Variants in MTAP observed in about 807,000 individuals in gnomAD.
The protein encoded by MTAP is S-methyl-5'-thioadenosine phosphorylase.
MTAP carries 33 observed loss-of-function variants against 33.6 expected under a neutral mutation model. That is an observed-to-expected ratio of 0.98 (90% confidence interval 0.74 to 1.31). The LOEUF is 1.31. Ranked by LOEUF, MTAP falls within the 40% of genes most tolerant of loss-of-function variation. MTAP has a pLI of 0.00. For missense variants in MTAP, 367 were observed against 360.0 expected, an observed-to-expected ratio of 1.02 and a Z score of -0.16; for synonymous variants, 148 against 125.7, an observed-to-expected ratio of 1.18 and a Z score of -1.19.
chr9:21,937,539 G>C (rs116204352), exon 8 of MTAP: 3 of 152,018 alleles, frequency 2.0e-5, no homozygotes, highest in Non-Finnish European at 4.4e-5. Context: ...TTTGTGCTTC[G>C]TGTTGCCTTT....
chr9:21,835,039 G>C (rs1350031012), intron 4 of MTAP, among the ~76,000 whole-genome samples: 2 of 152,152 alleles, frequency 1.3e-5, no homozygotes, highest in African/African-American at 2.4e-5. Context: ...AGTCCTGGAG[G>C]CTGGGAAGTC....
intron 5 of MTAP, among the ~76,000 whole-genome samples, chr9:21,839,022 G>A (rs1362983368): frequency 6.6e-6 from 1 of 152,130 alleles, no homozygotes; most frequent in Non-Finnish European, 1.5e-5. Flanking sequence ...AACAGCAAGG[G>A]CACCTAAACT....
At chr9:21,808,188 G>A (rs375954212) in intron 1 of MTAP, among the ~76,000 whole-genome samples, 4 of 152,342 alleles carry the variant, frequency 2.6e-5, no homozygotes, top group East Asian at 3.9e-4. Context: ...GACCTAGAGA[G>A]CTTTGGAAAG....
chr9:21,871,812 A>G (rs1202429365), downstream of MTAP, among the ~76,000 whole-genome samples: 1 of 152,116 alleles, frequency 6.6e-6, no homozygotes, highest in African/African-American at 2.4e-5. Context: ...TGATTTTACT[A>G]CGTAAAATTC....
chr9:21,919,641 T>TGACC (rs1818754021), intron 1 of MTAP, among the ~76,000 whole-genome samples: 2 of 152,222 alleles, frequency 1.3e-5, no homozygotes, highest in African/African-American at 4.8e-5. Flanking sequence ...ATTGACTATG[T>TGACC]GACCATAAGC....
intron 6 of MTAP, 41 bp downstream of exon 6, chr9:21,854,911 C>T: frequency 1.2e-6 from 2 of 1,606,780 alleles, no homozygotes; most frequent in Non-Finnish European, 1.7e-6. Context: ...GCATGGGTTT[C>T]TGGGTGCCAA....
intron 1 of MTAP, among the ~76,000 whole-genome samples, chr9:21,900,479 C>A (rs1226123019): frequency 2.0e-5 from 3 of 152,112 alleles, no homozygotes; most frequent in Non-Finnish European, 4.4e-5. Flanking sequence ...CCATATCACA[C>A]CAGTCAGAAT....
chr9:21,898,125 A>G (rs1434600824), intron 1 of MTAP, among the ~76,000 whole-genome samples: 1 of 152,254 alleles, frequency 6.6e-6, no homozygotes, highest in African/African-American at 2.4e-5. Flanking sequence ...AAAACAAGAA[A>G]TGGGGAAAGG....
At chr9:21,805,759 C>A (rs1242684951) in intron 1 of MTAP, among the ~76,000 whole-genome samples, 1 of 152,188 alleles carries the variant, frequency 6.6e-6, no homozygotes, top group Admixed American at 6.5e-5. Flanking sequence ...GACACTGAAT[C>A]TGCTGTGACC....
At chr9:21,875,864 T>A (rs1028337751) in intron 1 of MTAP, among the ~76,000 whole-genome samples, 20 of 152,048 alleles carry the variant, frequency 1.3e-4, no homozygotes, top group African/African-American at 4.6e-4. Flanking sequence ...TATGGTAGAT[T>A]GATGTATGTT....
chr9:21,812,613 T>A (rs1824378549), intron 1 of MTAP, among the ~76,000 whole-genome samples: 1 of 152,224 alleles, frequency 6.6e-6, no homozygotes, highest in South Asian at 2.1e-4. Context: ...CATTGTTTCC[T>A]GAGGGTGGAT....
intron 1 of MTAP, among the ~76,000 whole-genome samples, chr9:21,914,715 G>A (rs993915570): frequency 6.6e-6 from 1 of 151,548 alleles, no homozygotes; most frequent in Non-Finnish European, 1.5e-5. Context: ...ACACCAACAT[G>A]GCACATGTAC....
intron 1 of MTAP, among the ~76,000 whole-genome samples, chr9:21,918,663 A>G (rs1404393877): frequency 2.0e-5 from 3 of 152,164 alleles, no homozygotes; most frequent in Non-Finnish European, 2.9e-5. Context: ...GTGGCAGGTA[A>G]TTGAATCATG....
At chr9:21,902,429 C>T (rs1178068286) in intron 1 of MTAP, among the ~76,000 whole-genome samples, 2 of 152,184 alleles carry the variant, frequency 1.3e-5, no homozygotes, top group Non-Finnish European at 2.9e-5. Context: ...CCACACTTAG[C>T]ACATGTCTGT....
Position 21,897,034 on chromosome 9 carries a change from G to C in MTAP, c.148-33974G>C, listed in dbSNP as rs146149832. On this transcript the variant is annotated intron_variant, in intron 1 of 1. Coordinates refer to the MTAP transcript ENST00000577563. ...GCACATCAAAAAGCTTATCCACCAT[G>C]ATCAAGTGGGCTTCATCCCTGGGAT... is the stretch of plus-strand genomic sequence containing the variant. Among the ~76,000 whole-genome samples, 1,353 of 152,282 alleles carry C rather than the reference G, an allele frequency of 8.9e-3. 28 individuals are homozygous for C. Among genetic ancestry groups the C allele is most frequent in the African/African-American group, 0.031 (1,287 of 41,544 alleles).
Position 21,865,680 on chromosome 9 carries a change from G to A in MTAP, c.*3666G>A, listed in dbSNP as rs1448489170. ...CGAGGAAATCTACCAAGACTAGTAG[G>A]GTAGTCCAGAAGAAGCTGTTTCAGG... On this transcript the variant is annotated 3_prime_UTR_variant, in exon 8 of 8. Transcript: ENST00000644715. The A allele has an allele frequency of 3.0e-6, 3 of 1,015,632 alleles. No individual in the cohort carries two copies. The highest frequency in any genetic ancestry group is 1.8e-4 in the East Asian group (2 of 11,306). The allele number at this position is 1,015,632 out of a possible 1,614,324, so 62.9% of individuals were successfully genotyped here. A position where few individuals can be genotyped will look rare whatever the true frequency, so the allele number is the denominator to read the frequency against.
intron 4 of MTAP, among the ~76,000 whole-genome samples, chr9:21,833,269 A>G (rs1268051257): frequency 6.6e-6 from 1 of 151,964 alleles, no homozygotes; most frequent in Non-Finnish European, 1.5e-5. Flanking sequence ...TGCAGCCTTT[A>G]CCTCCCAGGC....
intron 1 of MTAP, among the ~76,000 whole-genome samples, chr9:21,815,218 TTA>T (rs1389680457): frequency 1.3e-5 from 2 of 152,210 alleles, no homozygotes; most frequent in Non-Finnish European, 2.9e-5. Flanking sequence ...TTTTGGTTAC[TTA>T]TAGAATATAG....
intron 1 of MTAP, among the ~76,000 whole-genome samples, chr9:21,882,183 T>TA (rs1286825167): frequency 1.3e-5 from 2 of 151,958 alleles, no homozygotes; most frequent in African/African-American, 4.8e-5. Flanking sequence ...ATCACCATAT[T>TA]AAAAAAATTA....
Sources: allele counts gnomAD v4.1 joint callset (sites outside exome capture counted in the v4.1 genomes callset), GRCh38; gene constraint gnomAD v4.1.1; transcripts MANE v1.5; gene names NCBI Gene and HGNC (gene_info 2026-07-23, HGNC 2026-07-21).